The following ABLIM3 variants were observed in gnomAD, a reference collection of about 807,000 sequenced individuals.
ABLIM3 encodes actin-binding LIM protein 3.
A neutral mutation model predicts 109.5 loss-of-function variants in ABLIM3; 61 were observed. The observed-to-expected ratio is 0.56, with a 90% CI of 0.45 to 0.69. ABLIM3 has a LOEUF of 0.69. Ranked by LOEUF, ABLIM3 falls within the 30% of genes least tolerant of loss-of-function variation. The pLI, the probability that ABLIM3 is intolerant of heterozygous loss-of-function variation, is 0.00. For missense variants in ABLIM3, 796 were observed against 889.5 expected, an observed-to-expected ratio of 0.89 and a Z score of 1.34; for synonymous variants, 300 against 324.8, an observed-to-expected ratio of 0.92 and a Z score of 0.82.
chr5:149,146,759 G>A (rs1460582921), intron 2 of ABLIM3, among the ~76,000 whole-genome samples: 1 of 152,146 alleles, frequency 6.6e-6, no homozygotes, highest in African/African-American at 2.4e-5. Flanking sequence ...GATGCCTCCA[G>A]CTTTGTTCTT....
chr5:149,217,046 G>C lies in ABLIM3; in HGVS notation c.757G>C (p.Gly253Arg). The C allele has an allele frequency of 6.2e-7, 1 of 1,614,038 alleles. No individual in the cohort carries two copies. ...FTEGEEMYLT[G>R]SEVWHPICKQ... is the part of the protein sequence containing the mutation. ...CGAAGGAGAGGAAATGTACCTCACA[G>C]GTAAGTAAATCTGACCCTCTGTAAG... Residue 253 changes from glycine (G) to arginine (R), a missense_variant and splice_region_variant, in exon 8 of 24, where the codon GGT becomes CGT. By Grantham distance (125) the Gly-to-Arg change is moderately radical (BLOSUM62 -2). Coordinates refer to ENST00000309868, the MANE Select transcript of ABLIM3 (RefSeq NM_014945.5).
rs534269981 is a variant in ABLIM3, at chr5:149,245,905, G to A, written c.1487-577G>A. Among the ~76,000 whole-genome samples the A allele has an allele frequency of 6.2e-4, 94 of 152,322 alleles. No individual in the cohort carries two copies. The South Asian group carries it at 0.013, about 21-fold the overall frequency. ...GTGCTGGGCACAGTGGCTCACGCCC[G>A]TAATCCCAGCACTTTGGGAGGCCAA... is the stretch of plus-strand genomic sequence containing the variant. On this transcript the variant is annotated intron_variant, in intron 16 of 23. Transcript: ENST00000309868.
intron 2 of ABLIM3, among the ~76,000 whole-genome samples, chr5:149,179,859 A>T (rs899055177): frequency 6.6e-6 from 1 of 152,188 alleles, no homozygotes; most frequent in Non-Finnish European, 1.5e-5. Context: ...GTCACCTGTG[A>T]CTATTATATT....
At chr5:149,166,421 C>T (rs1195050802) in intron 2 of ABLIM3, among the ~76,000 whole-genome samples, 1 of 152,188 alleles carries the variant, frequency 6.6e-6, no homozygotes, top group East Asian at 1.9e-4. Flanking sequence ...GCAGTTATTT[C>T]ATCCCTGGGC....
At chr5:149,232,201 G>A (rs760807094) in intron 9 of ABLIM3, among the ~76,000 whole-genome samples, 1 of 152,218 alleles carries the variant, frequency 6.6e-6, no homozygotes, top group Non-Finnish European at 1.5e-5. Flanking sequence ...AGCTACTTGG[G>A]AGGCTGAAGC....
chr5:149,150,261 C>T (rs1469543526), intron 2 of ABLIM3, among the ~76,000 whole-genome samples: 1 of 152,154 alleles, frequency 6.6e-6, no homozygotes, highest in Non-Finnish European at 1.5e-5. Context: ...TTGCCCAGAT[C>T]AAGAAATCTA....
chr5:149,242,639 C>A, intron 15 of ABLIM3, 101 bp downstream of exon 15: 1 of 1,260,576 alleles, frequency 7.9e-7, no homozygotes, highest in Non-Finnish European at 1.2e-6. Flanking sequence ...CCACAAAACA[C>A]AAGGCTGCAT....
chr5:149,182,453 T>C (rs191971981), intron 2 of ABLIM3, among the ~76,000 whole-genome samples: 85 of 152,294 alleles, frequency 5.6e-4, no homozygotes, highest in African/African-American at 1.8e-3. Flanking sequence ...GTGGCAAAGT[T>C]ACCTCAACAG....
intron 6 of ABLIM3, among the ~76,000 whole-genome samples, chr5:149,209,094 G>A (rs915165865): frequency 3.9e-5 from 6 of 152,144 alleles, no homozygotes; most frequent in African/African-American, 9.7e-5. Flanking sequence ...GAGAGCTCTC[G>A]ATGCCATGCT....
At chr5:149,241,811 C>G (rs573942630) in intron 14 of ABLIM3, among the ~76,000 whole-genome samples, 4 of 152,200 alleles carry the variant, frequency 2.6e-5, no homozygotes, top group East Asian at 3.9e-4. Flanking sequence ...GGAAAGACAT[C>G]CCAGGCAGAG....
chr5:149,239,475 C>T (rs879039887), intron 12 of ABLIM3, among the ~76,000 whole-genome samples, 198 bp downstream of exon 12: 15 of 152,138 alleles, frequency 9.9e-5, no homozygotes, highest in Admixed American at 9.2e-4. Context: ...CCCTTCCTGC[C>T]CAGAGATGGC....
In ABLIM3 at chr5:149,183,511, C is replaced by A. The variant is rs200588080; in HGVS notation, c.73C>A (p.Arg25Ser). The A allele has an allele frequency of 6.3e-7, 1 of 1,599,512 alleles. No homozygotes were observed. Among genetic ancestry groups the A allele is most frequent in the Non-Finnish European group, 8.5e-7 (1 of 1,173,472 alleles). Residue 25 changes from arginine to serine, a missense_variant, in exon 3 of 24, where the codon CGC becomes AGC. Coordinates refer to ENST00000309868, the MANE Select transcript of ABLIM3 (RefSeq NM_014945.5). ...CAGCTCCAATGTCATCCAGTGCTAC[C>A]GCTGTGGAGACACCTGCAAAGGGGA... ...RGSSNVIQCY[R>S]CGDTCKGEVV...
At chr5:149,253,512 C>T (rs1195076825) in intron 23 of ABLIM3, among the ~76,000 whole-genome samples, 1 of 152,178 alleles carries the variant, frequency 6.6e-6, no homozygotes, top group Non-Finnish European at 1.5e-5. Flanking sequence ...AGTCTGGCAA[C>T]ATATTGAGTA....
chr5:149,225,647 C>T (rs992664225), intron 8 of ABLIM3, among the ~76,000 whole-genome samples: 1 of 152,030 alleles, frequency 6.6e-6, no homozygotes, highest in Non-Finnish European at 1.5e-5. Flanking sequence ...TTTTAGTGCA[C>T]CCATCACCTG....
rs932620303 is a variant in ABLIM3, at chr5:149,248,058, A to C, written c.1699+129A>C. ...CCATGCATCCTCTCTCTTCTTCCTC[A>C]CAGCAGCCCTGTGGTGGGTGACTTG... is the stretch of plus-strand genomic sequence containing the variant. On this transcript the variant is annotated intron_variant, in intron 18 of 23. Coordinates refer to ENST00000309868, the MANE Select transcript of ABLIM3 (RefSeq NM_014945.5). 30 of 1,210,900 alleles carry C rather than the reference A, an allele frequency of 2.5e-5. No individual in the cohort carries two copies. The African/African-American group carries it at 3.5e-4, about 14-fold the overall frequency. The allele number at this position is 1,210,900 out of a possible 1,614,324, so 75.0% of individuals were successfully genotyped here.
At chr5:149,147,014 C>T (rs2127428343) in intron 2 of ABLIM3, among the ~76,000 whole-genome samples, 1 of 152,054 alleles carries the variant, frequency 6.6e-6, no homozygotes, top group East Asian at 1.9e-4. Context: ...TAGTTCTCCT[C>T]GAAGAGATCT....
chr5:149,186,526 TAAC>T (rs1253590377), intron 3 of ABLIM3, among the ~76,000 whole-genome samples: 1 of 152,164 alleles, frequency 6.6e-6, no homozygotes, highest in East Asian at 1.9e-4. Context: ...TAAAAATTTA[TAAC>T]AATATATAAA....
chr5:149,216,791 C>A (rs575584706), intron 7 of ABLIM3, 168 bp from the exon 8 acceptor site: 2 of 603,250 alleles, frequency 3.3e-6, no homozygotes, highest in Admixed American at 5.4e-5. Context: ...CGAAGCTTCC[C>A]GGCTGGTCTT....
intron 2 of ABLIM3, among the ~76,000 whole-genome samples, chr5:149,165,545 G>A (rs1754744452): frequency 6.6e-6 from 1 of 152,152 alleles, no homozygotes; most frequent in Non-Finnish European, 1.5e-5. Context: ...ACTAGCTCAA[G>A]TGAAACAGGA....
Sources: gnomAD v4.1 joint callset for allele counts (sites outside exome capture counted in the v4.1 genomes callset) on GRCh38, gnomAD v4.1.1 for gene constraint, MANE v1.5 for transcripts, NCBI Gene and HGNC (gene_info 2026-07-23, HGNC 2026-07-21) for gene names.